CXCL13: variants seen among roughly 807,000 people sequenced by gnomAD.
CXCL13 encodes the protein C-X-C motif chemokine ligand 13.
CXCL13 carries 7 observed loss-of-function variants against 12.2 expected under a neutral mutation model. The ratio of observed to expected loss-of-function variants is 0.57; its 90% CI spans 0.33 to 1.07. The LOEUF (loss-of-function observed/expected upper bound fraction) is 1.07. Ranked by LOEUF, CXCL13 falls within the 50% of genes least tolerant of loss-of-function variation. CXCL13 has a pLI of 0.04. For missense variants in CXCL13, 113 were observed against 127.4 expected (o/e 0.89, Z 0.55); for synonymous variants, 47 against 42.4 (o/e 1.11, Z -0.42).
intron 1 of CXCL13, among the ~76,000 whole-genome samples, chr4:77,567,862 G>A (rs1725975839): frequency 6.6e-6 from 1 of 152,138 alleles, no homozygotes; most frequent in Non-Finnish European, 1.5e-5. Flanking sequence ...TCCACCCCTT[G>A]TTTAGCATAT....
intron 1 of CXCL13, among the ~76,000 whole-genome samples, chr4:77,585,759 G>A (rs1726441040): frequency 6.6e-6 from 1 of 152,158 alleles, no homozygotes; most frequent in Non-Finnish European, 1.5e-5. Context: ...TATGCTTTGG[G>A]TACTTCAAAA....
chr4:77,517,175 T>C (rs1724444179), intron 1 of CXCL13, among the ~76,000 whole-genome samples: 1 of 152,186 alleles, frequency 6.6e-6, no homozygotes, highest in African/African-American at 2.4e-5. Flanking sequence ...TGAGAGATAG[T>C]TTGTTATAAT....
chr4:77,527,954 G>A (rs1197867016), intron 1 of CXCL13, among the ~76,000 whole-genome samples: 1 of 151,754 alleles, frequency 6.6e-6, no homozygotes, highest in Non-Finnish European at 1.5e-5. Context: ...AACAGGCCCT[G>A]GTGTGTGATG....
At chr4:77,580,654 T>C (rs2109824145) in intron 1 of CXCL13, among the ~76,000 whole-genome samples, 1 of 152,030 alleles carries the variant, frequency 6.6e-6, no homozygotes, top group Non-Finnish European at 1.5e-5. Context: ...AGGATTTATT[T>C]CTGGCTTTTC....
intron 1 of CXCL13, among the ~76,000 whole-genome samples, chr4:77,586,546 A>C (rs2109828009): frequency 6.6e-6 from 1 of 152,310 alleles, no homozygotes; most frequent in Admixed American, 6.5e-5. Context: ...TGTGCCCACG[A>C]GGACAAGTAA....
At chr4:77,587,115 C>A (rs528246064) in intron 1 of CXCL13, among the ~76,000 whole-genome samples, 1 of 152,276 alleles carries the variant, frequency 6.6e-6, no homozygotes, top group East Asian at 1.9e-4. Flanking sequence ...TATAATGCAG[C>A]CCAGACATCC....
chr4:77,514,136 C>T (rs1306200834), intron 1 of CXCL13, among the ~76,000 whole-genome samples: 1 of 151,904 alleles, frequency 6.6e-6, no homozygotes, highest in Non-Finnish European at 1.5e-5. Context: ...GACATGAACT[C>T]ATCATTTTTT....
chr4:77,583,407 C>G (rs765661061), intron 1 of CXCL13, among the ~76,000 whole-genome samples: 2 of 152,180 alleles, frequency 1.3e-5, no homozygotes, highest in Non-Finnish European at 2.9e-5. Context: ...GTTTTGAAAG[C>G]CAGACTCAAG....
At chr4:77,532,633 T>C (rs183778688) in intron 1 of CXCL13, among the ~76,000 whole-genome samples, 6 of 152,180 alleles carry the variant, frequency 3.9e-5, no homozygotes, top group African/African-American at 1.2e-4. Context: ...TAATATCCTG[T>C]AGAGTGTTTT....
chr4:77,532,380 C>G lies in CXCL13; in HGVS notation c.-43+20592C>G, dbSNP rs888683481. On this transcript the variant is annotated intron_variant, in intron 1 of 4. Coordinates refer to the CXCL13 transcript ENST00000286758. ...AAGAATGTTGAATATTGGCCCCACT[C>G]TCTTCTGGCTTATAGAATTTCTGCC... 4.6e-5 allele frequency among the ~76,000 whole-genome samples: 7 copies of G among 152,192 alleles called. No individual in the cohort carries two copies. In the East Asian group the frequency reaches 9.6e-4, roughly 21 times the overall value.
intron 1 of CXCL13, among the ~76,000 whole-genome samples, chr4:77,543,611 A>G (rs1348553495): frequency 6.6e-6 from 1 of 151,942 alleles, no homozygotes; most frequent in African/African-American, 2.4e-5. Flanking sequence ...TTTGTTGTTT[A>G]CCCAAAAGTC....
intron 1 of CXCL13, among the ~76,000 whole-genome samples, chr4:77,578,430 A>T (rs1726243698): frequency 6.6e-6 from 1 of 152,152 alleles, no homozygotes; most frequent in Admixed American, 6.5e-5. Context: ...TTCTAATAGC[A>T]GTTAAGTGTA....
rs576459854 is a variant in CXCL13 at position 77,518,925 on chromosome 4, A to G, written c.-43+7137A>G. Among the ~76,000 whole-genome samples the G allele has an allele frequency of 1.1e-4, 16 of 152,066 alleles. No individual in the cohort carries two copies. The East Asian group carries it at 3.1e-3, about 29-fold the overall frequency. ...GTTTTTTCCCCATCTTTGTGGTTTT[A>G]TCTAGTTTTGGACTTTGATGATGGT... On this transcript the variant is annotated intron_variant, in intron 1 of 4. Coordinates refer to the CXCL13 transcript ENST00000286758.
At chr4:77,610,533 A>C (rs1727120234) in intron 2 of CXCL13, 81 bp from the exon 3 acceptor site, 2 of 1,139,360 alleles carry the variant, frequency 1.8e-6, no homozygotes, top group Admixed American at 3.8e-5. Flanking sequence ...AATTATTTTC[A>C]TACCAAACTC....
intron 1 of CXCL13, among the ~76,000 whole-genome samples, chr4:77,541,098 G>A (rs1408710831): frequency 6.6e-6 from 1 of 152,060 alleles, no homozygotes; most frequent in Non-Finnish European, 1.5e-5. Flanking sequence ...TCTTAATGGG[G>A]TTATTTTCTT....
At chr4:77,578,607 G>T (rs997407548) in intron 1 of CXCL13, among the ~76,000 whole-genome samples, 2 of 152,094 alleles carry the variant, frequency 1.3e-5, no homozygotes, top group Non-Finnish European at 2.9e-5. Flanking sequence ...TGGTGGCCTG[G>T]AATCAATCTG....
At chr4:77,540,591 G>T (rs1725174453) in intron 1 of CXCL13, among the ~76,000 whole-genome samples, 1 of 152,040 alleles carries the variant, frequency 6.6e-6, no homozygotes, top group Non-Finnish European at 1.5e-5. Flanking sequence ...TTGCTGCAAA[G>T]GCCACAATGT....
rs78024552 is a variant in CXCL13, at chr4:77,550,205, T to G, written c.-43+38417T>G. Among the ~76,000 whole-genome samples, 1,102 of 152,256 alleles carry G rather than the reference T, an allele frequency of 7.2e-3. 22 individuals are homozygous for G. The highest frequency in any genetic ancestry group is 0.027 in the East Asian group (142 of 5,164). ...TTGCTAAGACCATTGGAAAGGCATG[T>G]TATTAGGGCAGGAGTGTCCTGGTTT... is the stretch of plus-strand genomic sequence containing the variant. On this transcript the variant is annotated intron_variant, in intron 1 of 4. Coordinates refer to the CXCL13 transcript ENST00000286758.
intron 1 of CXCL13, among the ~76,000 whole-genome samples, chr4:77,569,276 A>C (rs1346881732): frequency 1.3e-5 from 2 of 152,224 alleles, no homozygotes; most frequent in African/African-American, 4.8e-5. Context: ...GCAATCAGGC[A>C]AGAGAGAGAA....
Sources: gnomAD v4.1 joint callset for allele counts (sites outside exome capture counted in the v4.1 genomes callset) on GRCh38, gnomAD v4.1.1 for gene constraint, MANE v1.5 for transcripts, NCBI Gene and HGNC (gene_info 2026-07-23, HGNC 2026-07-21) for gene names.